Variants in NLRP9 observed in about 807,000 individuals in gnomAD.
The protein encoded by NLRP9 is NLR family pyrin domain containing 9, also known as NACHT, LRR and PYD domains-containing protein 9.
NLRP9 carries 88 observed loss-of-function variants against 83.1 expected under a neutral mutation model. The observed-to-expected ratio is 1.06, with a 90% CI of 0.89 to 1.26. NLRP9 has a LOEUF of 1.26. Among genes scored for constraint, NLRP9 ranks in the 50% most tolerant of loss-of-function variants. The pLI is 0.00. For missense variants in NLRP9, 1,308 were observed against 1,179.3 expected (o/e 1.11, Z -1.60); for synonymous variants, 521 against 447.6 (o/e 1.16, Z -2.07).
At chr19:55,709,817 T>C (rs567460315) in intron 8 of NLRP9, 1 of 152,324 alleles carries the variant, frequency 6.6e-6, no homozygotes, top group South Asian at 2.1e-4. Context: ...AACTTCTAAA[T>C]GTTCTCAGCA....
chr19:55,718,421 G>T (rs146607062), intron 4 of NLRP9, among the ~76,000 whole-genome samples: 1 of 152,242 alleles, frequency 6.6e-6, no homozygotes, highest in Non-Finnish European at 1.5e-5. Context: ...ATGTCTAGGT[G>T]TAAAGCTGAC....
In NLRP9 at chr19:55,734,620, C is replaced by CAT. The variant is rs763996023; in HGVS notation, c.281-1072_281-1071dup. Among the ~76,000 whole-genome samples, 205 of 87,602 alleles carry CAT rather than the reference C, an allele frequency of 2.3e-3. 2 individuals carry two copies. Among genetic ancestry groups the CAT allele is most frequent in the South Asian group, 5.6e-3 (15 of 2,660 alleles). 57.5% of individuals were successfully genotyped at this position (87,602 alleles called of 152,430 possible). ...ACATACACATACACACACACACACA[C>CAT]ATATATATATATATATATTTTTTTT... On this transcript the variant is annotated intron_variant, in intron 1 of 8. Transcript: ENST00000332836.
At chr19:55,715,913 T>TA (rs1600129007) in intron 5 of NLRP9, among the ~76,000 whole-genome samples, 1 of 152,210 alleles carries the variant, frequency 6.6e-6, no homozygotes, top group East Asian at 1.9e-4. Context: ...TTTTGTTGTT[T>TA]AATACACATA....
At position 55,733,919 on chromosome 19, in the gene NLRP9, A is replaced by ATTTTTTTTTTTTTTTT. The variant is rs765779528; in HGVS notation, c.281-385_281-370dup. Among the ~76,000 whole-genome samples the ATTTTTTTTTTTTTTTT allele has an allele frequency of 2.0e-4, 23 of 117,864 alleles. 2 individuals carry two copies. The highest frequency in any genetic ancestry group is 7.9e-4 in the African/African-American group (22 of 27,908). 77.3% of individuals were successfully genotyped at this position (117,864 alleles called of 152,430 possible). A position where few individuals can be genotyped will look rare whatever the true frequency, so the allele number is the denominator to read the frequency against. On this transcript the variant is annotated intron_variant, in intron 1 of 8. Transcript: ENST00000332836. ...ATAAACTCAACCAGTTGTCAACCAAATTTTTTTTTTTTTTTTTTTTTGAGA... is the reference window on the plus strand; with the variant it reads ...ATAAACTCAACCAGTTGTCAACCAAATTTTTTTTTTTTTTTTTTTTTTTTTTTTTTTTTTTTTGAGA...
At chr19:55,713,210 T>G (rs1410412950) in intron 6 of NLRP9, among the ~76,000 whole-genome samples, 8 of 151,380 alleles carry the variant, frequency 5.3e-5, no homozygotes, top group Non-Finnish European at 1.0e-4. Context: ...AGCCCTCCCC[T>G]GACTATTTTG....
Position 55,732,821 on chromosome 19 carries a change from G to C in NLRP9, c.1010C>G (p.Pro337Arg). 1 of 1,614,060 alleles carries C rather than the reference G, an allele frequency of 6.2e-7. No homozygotes were observed. Among genetic ancestry groups the C allele is most frequent in the Non-Finnish European group, 8.5e-7 (1 of 1,180,012 alleles). Residue 337 changes from proline (P) to arginine (R), a missense_variant, in exon 2 of 9, where the codon CCC becomes CGC. By Grantham distance (103) the Pro-to-Arg change is moderately radical. Transcript: ENST00000332836. ...AGTACAGACCAACCAGCACGTAAAGGGATTATGGCACAAGATAAACAGCGG... is the reference window on the plus strand; with the variant it reads ...AGTACAGACCAACCAGCACGTAAAGCGATTATGGCACAAGATAAACAGCGG... ...NGPLFILCHN[P>R]FTCWLVCTCV...
chr19:55,730,656 G>A (rs777240421), intron 2 of NLRP9, among the ~76,000 whole-genome samples: 5 of 152,134 alleles, frequency 3.3e-5, no homozygotes, highest in Non-Finnish European at 7.4e-5. Flanking sequence ...CGAATGCAGG[G>A]ACAGAAAACC....
At chr19:55,715,689 A>G (rs1025596259) in intron 5 of NLRP9, among the ~76,000 whole-genome samples, 3 of 152,204 alleles carry the variant, frequency 2.0e-5, no homozygotes, top group African/African-American at 7.2e-5. Context: ...CGTCTCAAAA[A>G]AAAGAAAAGG....
intron 8 of NLRP9, among the ~76,000 whole-genome samples, chr19:55,710,595 G>A (rs1298693823): frequency 6.6e-6 from 1 of 152,070 alleles, no homozygotes; most frequent in African/African-American, 2.4e-5. Flanking sequence ...GAGTTCTCAC[G>A]AGATCTGGTT....
intron 1 of NLRP9, among the ~76,000 whole-genome samples, chr19:55,736,345 CGCGCCACTGCACTCCAGCCTGG>C (rs548039749): frequency 6.6e-6 from 1 of 152,152 alleles, no homozygotes; most frequent in East Asian, 2.0e-4. Flanking sequence ...GAGCTGAGAT[CGCGCCACTGCACTCCAGCCTGG>C]GCGACAGAGC....
intron 6 of NLRP9, among the ~76,000 whole-genome samples, chr19:55,713,548 C>T (rs1987857426): frequency 6.8e-6 from 1 of 146,966 alleles, no homozygotes; most frequent in African/African-American, 2.5e-5. Context: ...TCTACCACGC[C>T]AGGAGAGAAA....
chr19:55,718,609 T>C (rs140457642), intron 4 of NLRP9, among the ~76,000 whole-genome samples: 78 of 152,350 alleles, frequency 5.1e-4, no homozygotes, highest in African/African-American at 1.6e-3. Flanking sequence ...AACTTATTCA[T>C]GATACAGATT....
chr19:55,720,075 CA>C (rs1179517724), intron 4 of NLRP9, among the ~76,000 whole-genome samples: 2 of 152,072 alleles, frequency 1.3e-5, no homozygotes, highest in Non-Finnish European at 2.9e-5. Context: ...AAAATAAAAT[CA>C]AAACAGATAT....
chr19:55,716,207 C>T (rs1988002709), intron 5 of NLRP9, among the ~76,000 whole-genome samples: 2 of 150,808 alleles, frequency 1.3e-5, no homozygotes, highest in Non-Finnish European at 3.0e-5. Flanking sequence ...TATATCAGAA[C>T]ATCACACTGT....
intron 1 of NLRP9, among the ~76,000 whole-genome samples, chr19:55,734,363 C>CAAAAAA (rs59545375): frequency 1.0e-4 from 8 of 76,694 alleles, no homozygotes; most frequent in Non-Finnish European, 1.4e-4. Context: ...CACTCTATCT[C>CAAAAAA]AAAAAAAAAA....
chr19:55,727,274 CAATT>C (rs1988431192), intron 3 of NLRP9, among the ~76,000 whole-genome samples: 1 of 152,076 alleles, frequency 6.6e-6, no homozygotes, highest in African/African-American at 2.4e-5. Context: ...AATAAAAGAT[CAATT>C]ATTTATTCTG....
At chr19:55,730,455 GA>G (rs748459490) in intron 2 of NLRP9, among the ~76,000 whole-genome samples, 2,688 of 115,218 alleles carry the variant, frequency 0.023, 85 homozygotes, top group African/African-American at 0.075. Flanking sequence ...CCTGCCTCAA[GA>G]AAAAAAAAAA....
At position 55,708,937 on chromosome 19, in the gene NLRP9, T is replaced by C. The variant is rs772871257; in HGVS notation, c.2951A>G (p.Tyr984Cys). 1 of 1,567,376 alleles carries C rather than the reference T, an allele frequency of 6.4e-7. No individual in the cohort carries two copies. Among genetic ancestry groups the C allele is most frequent in the East Asian group, 2.4e-5 (1 of 41,138 alleles). Reference protein sequence around the residue: ...ISHGPWIDEEYKIRGVLL With the variant: ...ISHGPWIDEECKIRGVLL ...TCAGAGGAGCACACCCCTGATCTTG[T>C]ATTCCTCGTCAATCCAAGGTCCATG... Residue 984 changes from tyrosine (Y) to cysteine (C), a missense_variant, in exon 9 of 9, where the codon TAC (tyrosine) becomes TGC (cysteine). Coordinates refer to ENST00000332836, the MANE Select transcript of NLRP9 (RefSeq NM_176820.4).
At position 55,711,849 on chromosome 19, in the gene NLRP9, C is replaced by A. The variant is rs1407453302; in HGVS notation, c.2794G>T (p.Val932Leu). Residue 932 changes from valine to leucine, a missense_variant, in exon 8 of 9, where the codon GTG becomes TTG. Transcript: ENST00000332836. The stretch of plus-strand genomic sequence containing the variant: ...GGGTGGCTCAATGCCTCACACAGCA[C>A]CACCACTGCATCAGCATCCAAGGCA... The part of the protein sequence containing the change: ...WIALDADAVV[V>L]LCEALSHPDC... 5 of 1,613,226 alleles carry A rather than the reference C, an allele frequency of 3.1e-6. No homozygotes were observed. The African/African-American group carries it at 6.7e-5, about 22-fold the overall frequency.
Sources: allele counts gnomAD v4.1 joint callset (sites outside exome capture counted in the v4.1 genomes callset), GRCh38; gene constraint gnomAD v4.1.1; transcripts MANE v1.5; gene names NCBI Gene and HGNC (gene_info 2026-07-23, HGNC 2026-07-21).